Variants in EVI5 observed in about 807,000 individuals in gnomAD.
EVI5 encodes the protein ecotropic viral integration site 5 protein homolog.
Under a neutral mutation model 112.0 loss-of-function variants are expected in EVI5, and 73 were observed. The ratio of observed to expected loss-of-function variants is 0.65; its 90% confidence interval spans 0.54 to 0.79. The LOEUF (loss-of-function observed/expected upper bound fraction) is 0.79. Ranked by LOEUF, EVI5 falls within the 30% of genes least tolerant of loss-of-function variation. The pLI is 0.00. For synonymous variants in EVI5, 305 were observed against 319.9 expected, an observed-to-expected ratio of 0.95 and a Z score of 0.50; for missense variants, 900 against 968.8, an observed-to-expected ratio of 0.93 and a Z score of 0.94.
chr1:92,615,839 G>A (rs1280877020), intron 16 of EVI5, among the ~76,000 whole-genome samples: 1 of 152,162 alleles, frequency 6.6e-6, no homozygotes, highest in Admixed American at 6.5e-5. Flanking sequence ...ATGAGGAGGT[G>A]TGCTACACTT....
intron 19 of EVI5, among the ~76,000 whole-genome samples, chr1:92,535,808 A>T (rs1042516344): frequency 6.6e-6 from 1 of 152,168 alleles, no homozygotes; most frequent in African/African-American, 2.4e-5. Context: ...TACCTAATGT[A>T]GATGACGGGT....
At chr1:92,748,551 C>G (rs1032835045) in intron 1 of EVI5, among the ~76,000 whole-genome samples, 2 of 152,138 alleles carry the variant, frequency 1.3e-5, no homozygotes, top group Admixed American at 6.6e-5. Context: ...TACACCGCTA[C>G]AGTAACTGGA....
At chr1:92,686,470 T>G (rs1261481590) in intron 9 of EVI5, among the ~76,000 whole-genome samples, 1 of 152,216 alleles carries the variant, frequency 6.6e-6, no homozygotes, top group Non-Finnish European at 1.5e-5. Context: ...AAGCATTCCC[T>G]TTGAAAACCT....
chr1:92,740,849 T>C (rs1678260559), intron 1 of EVI5, among the ~76,000 whole-genome samples: 1 of 152,200 alleles, frequency 6.6e-6, no homozygotes, highest in African/African-American at 2.4e-5. Flanking sequence ...CTTTGTTAAT[T>C]GTATGGCAGT....
chr1:92,633,790 A>C (rs76674441), intron 14 of EVI5, among the ~76,000 whole-genome samples: 1 of 152,096 alleles, frequency 6.6e-6, no homozygotes, highest in East Asian at 1.9e-4. Context: ...GGTCTTTACA[A>C]TTTGGCATGT....
chr1:92,619,465 T>A (rs1654018111), intron 16 of EVI5, among the ~76,000 whole-genome samples: 1 of 150,850 alleles, frequency 6.6e-6, no homozygotes, highest in Non-Finnish European at 1.5e-5. Context: ...TATATATATA[T>A]CCTATTAGTT....
At chr1:92,751,544 T>A (rs1374763661) in intron 1 of EVI5, among the ~76,000 whole-genome samples, 1 of 152,162 alleles carries the variant, frequency 6.6e-6, no homozygotes, top group Non-Finnish European at 1.5e-5. Flanking sequence ...ATCATTTGTT[T>A]CCTAAACACT....
chr1:92,596,311 G>A (rs918341836), intron 18 of EVI5, among the ~76,000 whole-genome samples: 1 of 152,154 alleles, frequency 6.6e-6, no homozygotes, highest in African/African-American at 2.4e-5. Flanking sequence ...AATGAGCCGT[G>A]ACTGCGCCAC....
chr1:92,674,806 A>G (rs1274524611), intron 10 of EVI5, among the ~76,000 whole-genome samples: 1 of 152,182 alleles, frequency 6.6e-6, no homozygotes, highest in African/African-American at 2.4e-5. Context: ...TGGGGAGTGA[A>G]GAAAGAGATG....
At chr1:92,636,407 C>A in intron 13 of EVI5, 71 bp from the exon 14 acceptor site, 1 of 1,282,762 alleles carries the variant, frequency 7.8e-7, no homozygotes, top group Middle Eastern at 1.9e-4. Context: ...AACAATGCAA[C>A]CACATAATAC....
In EVI5 at chr1:92,782,758, T is replaced by C. The variant is rs547827921; in HGVS notation, c.-82+2078A>G. 1.1e-4 allele frequency among the ~76,000 whole-genome samples: 17 copies of C among 152,306 alleles called. No individual in the cohort carries two copies. In the South Asian group the frequency reaches 3.3e-3, roughly 30 times the overall value. ...CTCCTACGTACATACTCCAATCTAG[T>C]AATGTCCTATTTCTTGATCTTTGGT... On this transcript the variant is annotated intron_variant, in intron 1 of 19. Transcript: ENST00000684568.
At chr1:92,771,603 CTTTTCTTTT>C (rs1683415834) in intron 1 of EVI5, among the ~76,000 whole-genome samples, 1 of 73,850 alleles carries the variant, frequency 1.4e-5, no homozygotes, top group South Asian at 7.3e-4. Flanking sequence ...TATCAATTTT[CTTTTCTTTT>C]TTTTTTTTTT....
chr1:92,564,870 G>C (rs546280755), intron 18 of EVI5, among the ~76,000 whole-genome samples: 4 of 152,132 alleles, frequency 2.6e-5, no homozygotes, highest in South Asian at 2.1e-4. Context: ...AGTAGAGACA[G>C]GGTTTTGCCA....
At chr1:92,584,542 G>C (rs1287360806) in intron 18 of EVI5, among the ~76,000 whole-genome samples, 1 of 152,188 alleles carries the variant, frequency 6.6e-6, no homozygotes, top group Non-Finnish European at 1.5e-5. Flanking sequence ...GGCTTTAGTA[G>C]GTTATTACTG....
At chr1:92,677,264 A>C (rs780463859) in intron 9 of EVI5, 46 bp from the exon 10 acceptor site, 1 of 1,085,814 alleles carries the variant, frequency 9.2e-7, no homozygotes, top group South Asian at 1.5e-5. Flanking sequence ...TTTCATTCAA[A>C]AGTAGTTATT....
At chr1:92,701,662 C>T (rs1378603579) in intron 5 of EVI5, among the ~76,000 whole-genome samples, 1 of 151,944 alleles carries the variant, frequency 6.6e-6, no homozygotes, top group Non-Finnish European at 1.5e-5. Flanking sequence ...AAAGTTATAT[C>T]CCTAGGGGGT....
At chr1:92,694,432 C>CGAA (rs1669991372) in intron 7 of EVI5, 44 bp from the exon 8 acceptor site, 1 of 1,146,018 alleles carries the variant, frequency 8.7e-7, no homozygotes, top group East Asian at 2.4e-5. Flanking sequence ...GTTACTCTTC[C>CGAA]ATCAACAAAA....
At position 92,666,025 on chromosome 1, in the gene EVI5, A is replaced by G. The variant is rs768372445; in HGVS notation, c.1159-33T>C. ...GAAAAAAAAAGTTTTATTTGCAAGC[A>G]TTTTTGAGAGGAAAAAAAAGATTTC... On this transcript the variant is annotated intron_variant, in intron 10 of 19. Coordinates refer to ENST00000684568, the MANE Select transcript of EVI5 (RefSeq NM_001350197.2). 3 of 1,440,978 alleles carry G rather than the reference A, an allele frequency of 2.1e-6. No individual in the cohort carries two copies. The South Asian group carries it at 3.7e-5, about 18-fold the overall frequency. The allele number at this position is 1,440,978 out of a possible 1,614,324, so 89.3% of individuals were successfully genotyped here. A position where few individuals can be genotyped will look rare whatever the true frequency, so the allele number is the denominator to read the frequency against.
At chr1:92,607,818 T>A in intron 16 of EVI5, 91 bp from the exon 17 acceptor site, 1 of 780,360 alleles carries the variant, frequency 1.3e-6, no homozygotes, top group Non-Finnish European at 2.0e-6. Flanking sequence ...ATAACATTAT[T>A]AAAAATGTTA....
Sources: gnomAD v4.1 joint callset for allele counts (sites outside exome capture counted in the v4.1 genomes callset) on GRCh38, gnomAD v4.1.1 for gene constraint, MANE v1.5 for transcripts, NCBI Gene and HGNC (gene_info 2026-07-23, HGNC 2026-07-21) for gene names.